AAGAB: variants seen among roughly 807,000 people sequenced by gnomAD.
AAGAB encodes alpha and gamma adaptin binding protein.
A neutral mutation model predicts 44.1 loss-of-function variants in AAGAB; 38 were observed. The ratio of observed to expected loss-of-function variants is 0.86; its 90% CI spans 0.67 to 1.13. The LOEUF is 1.13. AAGAB is among the 50% of genes most tolerant of loss of function. The pLI, the probability that AAGAB is intolerant of heterozygous loss-of-function variation, is 0.00. For missense variants in AAGAB, 450 were observed against 373.8 expected, an observed-to-expected ratio of 1.20 and a Z score of -1.68; for synonymous variants, 131 against 131.8, an observed-to-expected ratio of 0.99 and a Z score of 0.04.
intron 5 of AAGAB, among the ~76,000 whole-genome samples, chr15:67,222,226 GCGCACGCGCGCGCGCGCACACACACA>G (rs1233296735): frequency 4.2e-5 from 4 of 95,138 alleles, no homozygotes; most frequent in African/African-American, 1.6e-4. Flanking sequence ...ATGCATGCAC[GCGCACGCGCGCGCGCGCACACACACA>G]CACACACACA....
chr15:67,229,358 G>T (rs749735369), intron 5 of AAGAB, among the ~76,000 whole-genome samples: 1 of 151,488 alleles, frequency 6.6e-6, no homozygotes, highest in African/African-American at 2.4e-5. Flanking sequence ...GCTTGAACCC[G>T]GGAGGCAGAG....
At chr15:67,204,021 T>C (rs1370508811) in intron 8 of AAGAB, 23 bp downstream of exon 8, 2 of 1,409,814 alleles carry the variant, frequency 1.4e-6, no homozygotes, top group African/African-American at 1.4e-5. Flanking sequence ...TGGGAACATA[T>C]TAGACACAAT....
At chr15:67,209,703 A>C (rs1963768538) in intron 5 of AAGAB, among the ~76,000 whole-genome samples, 159 bp from the exon 6 acceptor site, 1 of 152,222 alleles carries the variant, frequency 6.6e-6, no homozygotes, top group Non-Finnish European at 1.5e-5. Flanking sequence ...CCCAGGCTAG[A>C]GTGCAGTGGC....
intron 5 of AAGAB, among the ~76,000 whole-genome samples, chr15:67,231,293 T>C (rs1964328261): frequency 6.6e-6 from 1 of 152,240 alleles, no homozygotes; most frequent in South Asian, 2.1e-4. Context: ...CCTTCTCCAC[T>C]TGCCGTTCTC....
chr15:67,203,638 C>A, intron 8 of AAGAB, 41 bp from the exon 9 acceptor site: 1 of 1,557,030 alleles, frequency 6.4e-7, no homozygotes, highest in Non-Finnish European at 8.8e-7. Flanking sequence ...TCTAATAGCA[C>A]AGGATAACCT....
At chr15:67,232,123 G>A (rs146351661) in intron 4 of AAGAB, among the ~76,000 whole-genome samples, 2,210 of 151,802 alleles carry the variant, frequency 0.015, 55 homozygotes, top group African/African-American at 0.05. Flanking sequence ...GCGTGGTGGC[G>A]CATGCATGTA....
At chr15:67,209,701 A>G (rs1483805122) in intron 5 of AAGAB, among the ~76,000 whole-genome samples, 157 bp from the exon 6 acceptor site, 3 of 152,204 alleles carry the variant, frequency 2.0e-5, no homozygotes, top group African/African-American at 7.2e-5. Context: ...AGCCCAGGCT[A>G]GAGTGCAGTG....
At chr15:67,203,992 A>T in intron 8 of AAGAB, 52 bp downstream of exon 8, 1 of 1,154,226 alleles carries the variant, frequency 8.7e-7, no homozygotes, top group Non-Finnish European at 1.3e-6. Flanking sequence ...CTACTACGTA[A>T]AACAGACAAG....
intron 1 of AAGAB, among the ~76,000 whole-genome samples, chr15:67,240,565 G>A (rs1319014630): frequency 1.3e-5 from 2 of 152,204 alleles, no homozygotes; most frequent in Non-Finnish European, 2.9e-5. Context: ...TACAAAGGAA[G>A]TTAGATGCCA....
intron 4 of AAGAB, among the ~76,000 whole-genome samples, chr15:67,235,466 T>G (rs890223284): frequency 3.9e-5 from 6 of 152,076 alleles, no homozygotes; most frequent in Non-Finnish European, 7.4e-5. Context: ...AAATAGAAGG[T>G]CCAGCAATAG....
At chr15:67,227,492 T>C (rs1047165206) in intron 5 of AAGAB, among the ~76,000 whole-genome samples, 5 of 152,150 alleles carry the variant, frequency 3.3e-5, no homozygotes, top group African/African-American at 1.2e-4. Context: ...ATCTTATGTA[T>C]ATTTAACCAC....
At chr15:67,222,529 C>G (rs1226767560) in intron 5 of AAGAB, among the ~76,000 whole-genome samples, 1 of 152,060 alleles carries the variant, frequency 6.6e-6, no homozygotes, top group East Asian at 1.9e-4. Context: ...GAAGAAACTT[C>G]CACAGATTCT....
At chr15:67,234,975 T>C (rs905135946) in intron 4 of AAGAB, among the ~76,000 whole-genome samples, 2 of 152,226 alleles carry the variant, frequency 1.3e-5, no homozygotes, top group Admixed American at 6.5e-5. Flanking sequence ...AACCAGAATA[T>C]AGAAAAATAT....
Position 67,202,543 on chromosome 15 carries a change from G to A in AAGAB, c.*278C>T. 2.7e-6 allele frequency: 1 copy of A among 376,646 alleles called. No homozygotes were observed. The highest frequency in any genetic ancestry group is 5.4e-5 in the South Asian group (1 of 18,464). The allele number at this position is 376,646 out of a possible 1,614,324, so 23.3% of individuals were successfully genotyped here. A position where few individuals can be genotyped will look rare whatever the true frequency, so the allele number is the denominator to read the frequency against. ...ACTTGAGTAAATCACACAGACCTCT[G>A]AGATTTATCCTACCCTCATTCCTAG... On this transcript the variant is annotated 3_prime_UTR_variant, in exon 10 of 10. Transcript: ENST00000261880.
At chr15:67,209,599 A>C (rs1963764876) in intron 5 of AAGAB, 55 bp from the exon 6 acceptor site, 1 of 1,359,446 alleles carries the variant, frequency 7.4e-7, no homozygotes. Flanking sequence ...TAAACTGTTC[A>C]AATGGCTATG....
At position 67,231,914 on chromosome 15, in the gene AAGAB, A is replaced by AAT. The variant is rs748650736; in HGVS notation, c.452-19_452-18dup. On this transcript the variant is annotated splice_polypyrimidine_tract_variant and intron_variant, in intron 4 of 9. Coordinates refer to ENST00000261880, the MANE Select transcript of AAGAB (RefSeq NM_024666.5). ...GGAAGTCATCTAATCAGGGAGGGGAAATATATATATTTATATGCAACACTC... is the reference window on the plus strand; with the variant it reads ...GGAAGTCATCTAATCAGGGAGGGGAAATATATATATATTTATATGCAACACTC... 1.3e-6 allele frequency: 2 copies of AAT among 1,573,438 alleles called. No homozygotes were observed. Among genetic ancestry groups the AAT allele is most frequent in the African/African-American group, 1.4e-5 (1 of 73,942 alleles).
intron 5 of AAGAB, among the ~76,000 whole-genome samples, chr15:67,231,080 C>T (rs1431060402): frequency 2.0e-5 from 3 of 152,028 alleles, no homozygotes; most frequent in Non-Finnish European, 4.4e-5. Context: ...TTCTCTGTTG[C>T]CCAGGCTGGT....
At chr15:67,237,559 A>G (rs879778298) in intron 1 of AAGAB, among the ~76,000 whole-genome samples, 1 of 152,230 alleles carries the variant, frequency 6.6e-6, no homozygotes, top group East Asian at 1.9e-4. Flanking sequence ...AGACAAGTCA[A>G]TGGTGAACAA....
At chr15:67,237,378 C>T (rs538699787) in intron 1 of AAGAB, among the ~76,000 whole-genome samples, 1 of 152,176 alleles carries the variant, frequency 6.6e-6, no homozygotes, top group Non-Finnish European at 1.5e-5. Context: ...TTATATTCAG[C>T]CTTGTTCACA....
Sources: allele counts gnomAD v4.1 joint callset (sites outside exome capture counted in the v4.1 genomes callset), GRCh38; gene constraint gnomAD v4.1.1; transcripts MANE v1.5; gene names NCBI Gene and HGNC (gene_info 2026-07-23, HGNC 2026-07-21).